The following PEAK1 variants were observed in gnomAD, a reference collection of about 807,000 sequenced individuals.
The protein encoded by PEAK1 is pseudopodium enriched atypical kinase 1, also known as inactive tyrosine-protein kinase PEAK1.
Under a neutral mutation model 124.7 loss-of-function variants are expected in PEAK1, and 54 were observed. That is an observed-to-expected ratio of 0.43 (90% CI 0.35 to 0.54). The LOEUF is 0.54. Among genes scored for constraint, PEAK1 ranks in the 20% least tolerant of loss-of-function variants. PEAK1 has a pLI of 0.01. For missense variants in PEAK1, 2,046 were observed against 2,134.5 expected (o/e 0.96, Z 0.82); for synonymous variants, 719 against 760.0 (o/e 0.95, Z 0.89).
At chr15:77,247,603 G>A (rs1184920414) in intron 6 of PEAK1, among the ~76,000 whole-genome samples, 3 of 148,594 alleles carry the variant, frequency 2.0e-5, no homozygotes, top group African/African-American at 7.4e-5. Context: ...ATGCCCCAGA[G>A]TAGCTGGGAT....
At chr15:77,217,651 T>C (rs1305278812) in intron 6 of PEAK1, among the ~76,000 whole-genome samples, 1 of 152,232 alleles carries the variant, frequency 6.6e-6, no homozygotes, top group Non-Finnish European at 1.5e-5. Context: ...CAACTCATTT[T>C]TATTCAGTTA....
At chr15:77,247,047 G>A (rs545308318) in intron 6 of PEAK1, among the ~76,000 whole-genome samples, 243 of 152,136 alleles carry the variant, frequency 1.6e-3, no homozygotes, top group African/African-American at 5.6e-3. Context: ...AAATATGATA[G>A]ATTTTTATAT....
chr15:77,301,500 T>C (rs2063784089), intron 2 of PEAK1, among the ~76,000 whole-genome samples: 1 of 152,216 alleles, frequency 6.6e-6, no homozygotes, highest in South Asian at 2.1e-4. Flanking sequence ...CCCATCATTA[T>C]TACCTTGACA....
At chr15:77,236,328 C>A (rs1333765710) in intron 6 of PEAK1, among the ~76,000 whole-genome samples, 1 of 152,228 alleles carries the variant, frequency 6.6e-6, no homozygotes, top group East Asian at 1.9e-4. Context: ...GAGCCCACCT[C>A]TTGCATCAGC....
At chr15:77,334,765 C>G (rs1250814532) in intron 2 of PEAK1, 26 of 985,122 alleles carry the variant, frequency 2.6e-5, no homozygotes, top group African/African-American at 8.7e-5. Flanking sequence ...CCTGACCTGT[C>G]TTCCTTTTGT....
At chr15:77,408,066 CATATATACATATATACACAT>C (rs1301994582) in intron 1 of PEAK1, among the ~76,000 whole-genome samples, 2 of 127,310 alleles carry the variant, frequency 1.6e-5, no homozygotes, top group Admixed American at 1.6e-4. Context: ...CATAGATACA[CATATATACATATATACACAT>C]ATATACACAC....
intron 7 of PEAK1, among the ~76,000 whole-genome samples, chr15:77,175,804 G>A (rs1359571772): frequency 4.6e-5 from 7 of 152,272 alleles, no homozygotes; most frequent in East Asian, 3.9e-4. Flanking sequence ...ACATGCACAC[G>A]TATGTTTATT....
At chr15:77,183,038 G>T (rs1446313) in intron 6 of PEAK1, among the ~76,000 whole-genome samples, 33,951 of 152,078 alleles carry the variant, frequency 0.22, 4,232 homozygotes, top group Middle Eastern at 0.3. Flanking sequence ...AGGGGGAAAG[G>T]TAAGCAAATT....
intron 7 of PEAK1, among the ~76,000 whole-genome samples, chr15:77,162,647 T>A (rs777745619): frequency 4.6e-5 from 7 of 152,182 alleles, no homozygotes; most frequent in African/African-American, 9.7e-5. Context: ...TTAGGAGATG[T>A]TTAATGTGAT....
At chr15:77,418,638 GGGT>G (rs2073084668) in intron 1 of PEAK1, 13 of 985,200 alleles carry the variant, frequency 1.3e-5, no homozygotes, top group Non-Finnish European at 1.4e-5. Flanking sequence ...AAAGTAATTA[GGGT>G]CGTCAGTGAA....
At chr15:77,406,824 T>G (rs962151068) in intron 1 of PEAK1, among the ~76,000 whole-genome samples, 3 of 152,142 alleles carry the variant, frequency 2.0e-5, no homozygotes, top group African/African-American at 7.2e-5. Flanking sequence ...AAAGCAAGAC[T>G]AAGCAAAAAG....
intron 1 of PEAK1, among the ~76,000 whole-genome samples, chr15:77,400,504 G>A (rs1257397004): frequency 6.6e-6 from 1 of 152,052 alleles, no homozygotes. Context: ...CTTGACATAT[G>A]CAACAACATG....
chr15:77,128,551 C>T (rs1376107763), intron 9 of PEAK1, among the ~76,000 whole-genome samples: 1 of 152,154 alleles, frequency 6.6e-6, no homozygotes, highest in African/African-American at 2.4e-5. Context: ...TGGTGCCACC[C>T]CAGTGGGCTT....
At chr15:77,323,139 A>C (rs2065341664) in intron 2 of PEAK1, among the ~76,000 whole-genome samples, 1 of 152,216 alleles carries the variant, frequency 6.6e-6, no homozygotes, top group Non-Finnish European at 1.5e-5. Context: ...ATCTCAAAAT[A>C]ATAAGAGCTA....
intron 6 of PEAK1, among the ~76,000 whole-genome samples, chr15:77,195,953 C>G (rs1012647589): frequency 1.3e-5 from 2 of 152,242 alleles, no homozygotes; most frequent in Non-Finnish European, 2.9e-5. Flanking sequence ...TGCCATCACT[C>G]TTGTGTCTCC....
intron 6 of PEAK1, among the ~76,000 whole-genome samples, chr15:77,212,070 G>T (rs1218120883): frequency 6.6e-6 from 1 of 151,720 alleles, no homozygotes; most frequent in Non-Finnish European, 1.5e-5. Context: ...AATAACTATT[G>T]GATATGAAGA....
intron 6 of PEAK1, among the ~76,000 whole-genome samples, chr15:77,243,963 T>C (rs2060467005): frequency 6.6e-6 from 1 of 150,944 alleles, no homozygotes; most frequent in African/African-American, 2.4e-5. Flanking sequence ...AGTGAAACTC[T>C]TTCTCAAAAT....
chr15:77,352,331 C>G, intron 2 of PEAK1: 1 of 985,350 alleles, frequency 1.0e-6, no homozygotes, highest in Non-Finnish European at 1.2e-6. Flanking sequence ...CTTACTCGAT[C>G]TATCTCCAGA....
intron 7 of PEAK1, among the ~76,000 whole-genome samples, chr15:77,176,990 T>C (rs2056921102): frequency 6.6e-6 from 1 of 152,056 alleles, no homozygotes; most frequent in Non-Finnish European, 1.5e-5. Context: ...GGAGTTTCAC[T>C]CTTTTTGCCC....
Sources: allele counts gnomAD v4.1 joint callset (sites outside exome capture counted in the v4.1 genomes callset), GRCh38; gene constraint gnomAD v4.1.1; transcripts MANE v1.5; gene names NCBI Gene and HGNC (gene_info 2026-07-23, HGNC 2026-07-21).